The following EBNA1BP2 variants were observed in gnomAD, a reference collection of about 807,000 sequenced individuals.
EBNA1BP2 encodes probable rRNA-processing protein EBP2.
EBNA1BP2 carries 36 observed loss-of-function variants against 43.5 expected under a neutral mutation model. The observed-to-expected ratio is 0.83, with a 90% CI of 0.63 to 1.09. The LOEUF is 1.09. EBNA1BP2 is among the 50% of genes least tolerant of loss of function. The pLI is 0.00. For synonymous variants in EBNA1BP2, 127 were observed against 141.3 expected, an observed-to-expected ratio of 0.90 and a Z score of 0.72; for missense variants, 332 against 379.1, an observed-to-expected ratio of 0.88 and a Z score of 1.03.
intron 4 of EBNA1BP2, 120 bp from the exon 5 acceptor site, chr1:43,169,148 C>A: frequency 2.9e-6 from 3 of 1,044,126 alleles, no homozygotes; most frequent in Non-Finnish European, 4.4e-6. Context: ...TATAAATCAT[C>A]AGTTCCAACC....
At chr1:43,166,150 G>A (rs909260803) in intron 7 of EBNA1BP2, among the ~76,000 whole-genome samples, 5 of 152,174 alleles carry the variant, frequency 3.3e-5, no homozygotes, top group Non-Finnish European at 5.9e-5. Flanking sequence ...CTTAGCAGAT[G>A]AGGCAATTAG....
At chr1:43,170,540 C>T (rs1424410944) in intron 4 of EBNA1BP2, among the ~76,000 whole-genome samples, 1 of 152,182 alleles carries the variant, frequency 6.6e-6, no homozygotes, top group South Asian at 2.1e-4. Flanking sequence ...CACTGTTCCT[C>T]TCCTTAATTG....
Position 43,164,296 on chromosome 1 carries a change from C to T in EBNA1BP2, c.*147G>A, listed in dbSNP as rs970069669. ...CAATCTTTTAGTCTAGACTATTTAACCAAAGGTATGTGTTCCTTTAATAAT... is the reference window on the plus strand; with the variant it reads ...CAATCTTTTAGTCTAGACTATTTAATCAAAGGTATGTGTTCCTTTAATAAT... On this transcript the variant is annotated 3_prime_UTR_variant, in exon 9 of 9. Coordinates refer to ENST00000236051, the MANE Select transcript of EBNA1BP2 (RefSeq NM_006824.3). 23 of 878,888 alleles carry T rather than the reference C, an allele frequency of 2.6e-5. No individual in the cohort carries two copies. The highest frequency in any genetic ancestry group is 3.7e-5 in the Non-Finnish European group (21 of 570,206). 54.4% of individuals were successfully genotyped at this position (878,888 alleles called of 1,614,324 possible).
chr1:43,167,473 A>G (rs1302236865), intron 5 of EBNA1BP2, among the ~76,000 whole-genome samples: 1 of 152,206 alleles, frequency 6.6e-6, no homozygotes, highest in Admixed American at 6.5e-5. Context: ...CCTAAACTGA[A>G]GCACAGGGAA....
chr1:43,172,388 T>C (rs1446045693), upstream of EBNA1BP2: 2 of 1,551,326 alleles, frequency 1.3e-6, no homozygotes, highest in African/African-American at 2.7e-5. Flanking sequence ...TCCGGGTTGC[T>C]TAGGATCCCT....
At position 43,164,194 on chromosome 1, in the gene EBNA1BP2, C is replaced by A. The variant is rs913230408; in HGVS notation, c.*249G>T. 1 of 514,170 alleles carries A rather than the reference C, an allele frequency of 1.9e-6. No individual in the cohort carries two copies. Among genetic ancestry groups the A allele is most frequent in the Non-Finnish European group, 3.5e-6 (1 of 286,848 alleles). 31.9% of individuals were successfully genotyped at this position (514,170 alleles called of 1,614,324 possible). On this transcript the variant is annotated 3_prime_UTR_variant, in exon 9 of 9. Transcript: ENST00000236051. ...GGAAATGAGAAGGTGTCAGTTAAAT[C>A]ATTATTTATCATAAAATGAAGGCAA...
At chr1:43,165,995 C>G (rs1311712815) in intron 7 of EBNA1BP2, among the ~76,000 whole-genome samples, 4 of 152,214 alleles carry the variant, frequency 2.6e-5, no homozygotes. Flanking sequence ...ATGCCTCTAT[C>G]ATAGCACTTA....
chr1:43,169,805 C>T lies in EBNA1BP2; in HGVS notation c.448-777G>A, dbSNP rs947557394. On this transcript the variant is annotated intron_variant, in intron 4 of 8. Transcript: ENST00000236051. ...CGCACAGCAGAAAGTGAGTGACAGG[C>T]AAGCAAGCATTACCACCTGAGCTCC... Among the ~76,000 whole-genome samples the T allele has an allele frequency of 1.4e-4, 21 of 152,152 alleles. 1 individual carries two copies. Among genetic ancestry groups the T allele is most frequent in the Non-Finnish European group, 2.8e-4 (19 of 68,016 alleles).
At chr1:43,167,978 T>G (rs567817917) in intron 5 of EBNA1BP2, among the ~76,000 whole-genome samples, 2 of 152,268 alleles carry the variant, frequency 1.3e-5, no homozygotes, top group Non-Finnish European at 2.9e-5. Flanking sequence ...TCACCCCCAG[T>G]TAACAAACTC....
intron 5 of EBNA1BP2, 60 bp downstream of exon 5, chr1:43,168,879 G>T: frequency 1.3e-6 from 2 of 1,551,224 alleles, no homozygotes; most frequent in South Asian, 2.2e-5. Context: ...GTCAGACCAC[G>T]GCAATCTCAT....
At position 43,172,196 on chromosome 1, in the gene EBNA1BP2, T is replaced by G. The variant is rs1389227106; in HGVS notation, c.-78A>C. 1.8e-5 allele frequency: 28 copies of G among 1,599,148 alleles called. No individual in the cohort carries two copies. Among genetic ancestry groups the G allele is most frequent in the Non-Finnish European group, 2.4e-5 (28 of 1,172,476 alleles). ...CCAAGCGGCTAGCAGAGGGCGGCCC[T>G]GGCCGCTGCTGCCTGCCTTCAGCCC... On this transcript the variant is annotated 5_prime_UTR_variant, in exon 1 of 9. Transcript: ENST00000236051.
chr1:43,165,995 C>T (rs1311712815), intron 7 of EBNA1BP2, among the ~76,000 whole-genome samples: 1 of 152,214 alleles, frequency 6.6e-6, no homozygotes, highest in East Asian at 1.9e-4. Context: ...ATGCCTCTAT[C>T]ATAGCACTTA....
At position 43,166,516 on chromosome 1, in the gene EBNA1BP2, C is replaced by A. The variant is rs933283461; in HGVS notation, c.707+310G>T. Among the ~76,000 whole-genome samples, 14 of 152,060 alleles carry A rather than the reference C, an allele frequency of 9.2e-5. No individual in the cohort carries two copies. In the South Asian group the frequency reaches 1.0e-3, roughly 11 times the overall value. On this transcript the variant is annotated intron_variant, in intron 7 of 8. Coordinates refer to ENST00000236051, the MANE Select transcript of EBNA1BP2 (RefSeq NM_006824.3). ...TCCAGCTACTCAGGAGGCTGAGGCA[C>A]AGAATTACTTGAGCCCAGGTGGCAG... is the stretch of plus-strand genomic sequence containing the variant.
chr1:43,165,775 G>A (rs994792882), intron 7 of EBNA1BP2, among the ~76,000 whole-genome samples: 3 of 151,996 alleles, frequency 2.0e-5, no homozygotes, highest in African/African-American at 7.3e-5. Flanking sequence ...GACACCAAGG[G>A]CTTACTGTTC....
chr1:43,170,666 G>A (rs1482677847), intron 4 of EBNA1BP2, 90 bp downstream of exon 4: 22 of 1,522,476 alleles, frequency 1.4e-5, no homozygotes, highest in African/African-American at 4.3e-5. Context: ...CTGGCTCCCC[G>A]TTATTGGGCT....
chr1:43,169,991 T>C (rs1331589712), intron 4 of EBNA1BP2, among the ~76,000 whole-genome samples: 2 of 151,890 alleles, frequency 1.3e-5, no homozygotes, highest in East Asian at 1.9e-4. Context: ...CCCAAAACTA[T>C]CCCCTCCCCA....
chr1:43,172,530 C>A, upstream of EBNA1BP2: 1 of 1,319,736 alleles, frequency 7.6e-7, no homozygotes, highest in Non-Finnish European at 1.0e-6. Flanking sequence ...GAAAAAGGAG[C>A]CGCGGGGGTG....
chr1:43,172,473 G>A, upstream of EBNA1BP2: 2 of 1,541,870 alleles, frequency 1.3e-6, no homozygotes, highest in East Asian at 2.5e-5. Context: ...GGTACCTGGG[G>A]GTCGCCAGAA....
At chr1:43,165,062 G>T (rs1402250999) in intron 7 of EBNA1BP2, among the ~76,000 whole-genome samples, 1 of 152,102 alleles carries the variant, frequency 6.6e-6, no homozygotes, top group South Asian at 2.1e-4. Context: ...ATATTACATG[G>T]CTTCCTGCTG....
Sources: gnomAD v4.1 joint callset for allele counts (sites outside exome capture counted in the v4.1 genomes callset) on GRCh38, gnomAD v4.1.1 for gene constraint, MANE v1.5 for transcripts, NCBI Gene and HGNC (gene_info 2026-07-23, HGNC 2026-07-21) for gene names.